ARMC9: variants seen among roughly 807,000 people sequenced by gnomAD.
The protein encoded by ARMC9 is lisH domain-containing protein ARMC9.
Under a neutral mutation model 107.0 loss-of-function variants are expected in ARMC9, and 94 were observed. The ratio of observed to expected loss-of-function variants is 0.88; its 90% CI spans 0.74 to 1.04. The LOEUF (loss-of-function observed/expected upper bound fraction) is 1.04. Ranked by LOEUF, ARMC9 falls within the 50% of genes least tolerant of loss-of-function variation. The pLI is 0.00. For missense variants in ARMC9, 942 were observed against 1,030.1 expected (o/e 0.91, Z 1.17); for synonymous variants, 380 against 396.9 (o/e 0.96, Z 0.51).
intron 23 of ARMC9, among the ~76,000 whole-genome samples, chr2:231,369,583 A>G (rs1395434208): frequency 7.1e-6 from 1 of 140,662 alleles, no homozygotes. Flanking sequence ...GTGAGCCACC[A>G]TGCTCAGCCA....
At chr2:231,222,635 G>A (rs907422458) in intron 5 of ARMC9, 93 bp from the exon 6 acceptor site, 3 of 679,618 alleles carry the variant, frequency 4.4e-6, no homozygotes, top group African/African-American at 1.9e-5. Context: ...TTCAATCACT[G>A]TGCAGGGTTT....
chr2:231,290,591 A>G (rs1032246274), intron 17 of ARMC9, among the ~76,000 whole-genome samples: 2 of 152,228 alleles, frequency 1.3e-5, no homozygotes, highest in African/African-American at 2.4e-5. Flanking sequence ...AAATCCTGCC[A>G]GGGAAGAGGA....
In ARMC9 at chr2:231,229,466, G is replaced by C. The variant is rs2035001978; in HGVS notation, c.622+2668G>C. Reference sequence around the variant, plus strand: ...TCTCAGAAGGAATTACGTTTGAAATGCTGTGTGGAATAAAAACAGGTTGAC... The same window carrying C: ...TCTCAGAAGGAATTACGTTTGAAATCCTGTGTGGAATAAAAACAGGTTGAC... On this transcript the variant is annotated intron_variant, in intron 7 of 24. Transcript: ENST00000611582. Among the ~76,000 whole-genome samples the C allele has an allele frequency of 3.9e-5, 6 of 152,318 alleles. No homozygotes were observed. The South Asian group carries it at 1.2e-3, about 32-fold the overall frequency.
At chr2:231,364,826 C>T (rs986109246) in intron 23 of ARMC9, among the ~76,000 whole-genome samples, 2 of 152,036 alleles carry the variant, frequency 1.3e-5, no homozygotes, top group African/African-American at 4.8e-5. Context: ...AAGAAAGTGG[C>T]CCTCGGCAGA....
intron 1 of ARMC9, among the ~76,000 whole-genome samples, chr2:231,204,754 C>T (rs1419285856): frequency 1.3e-5 from 2 of 151,964 alleles, no homozygotes; most frequent in African/African-American, 2.4e-5. Context: ...CTGAATGAGA[C>T]GTATCTGAAG....
At position 231,268,734 on chromosome 2, in the gene ARMC9, C is replaced by G. The variant is rs146826701; in HGVS notation, c.1120-2248C>G. Among the ~76,000 whole-genome samples the G allele has an allele frequency of 4.1e-3, 629 of 152,194 alleles. 9 individuals carry two copies. The highest frequency in any genetic ancestry group is 0.014 in the African/African-American group (564 of 41,524). ...CCTTCAGAATTTTGAAGACATTGCT[C>G]CATTGTCTTTTAGGTTCCAGTTTTG... On this transcript the variant is annotated intron_variant, in intron 12 of 24. Coordinates refer to ENST00000611582, the MANE Select transcript of ARMC9 (RefSeq NM_001352754.2).
At chr2:231,323,980 C>T (rs976558072) in intron 19 of ARMC9, among the ~76,000 whole-genome samples, 1 of 152,128 alleles carries the variant, frequency 6.6e-6, no homozygotes, top group Admixed American at 6.5e-5. Context: ...CTGCCCCAGG[C>T]CCCCTGCTCA....
chr2:231,231,548 T>C (rs1427255150), intron 7 of ARMC9, among the ~76,000 whole-genome samples: 2 of 151,976 alleles, frequency 1.3e-5, no homozygotes, highest in Non-Finnish European at 2.9e-5. Flanking sequence ...CATGCCCAGC[T>C]AATTTTTGTA....
chr2:231,254,738 T>G (rs1290019055), intron 9 of ARMC9, among the ~76,000 whole-genome samples: 1 of 152,066 alleles, frequency 6.6e-6, no homozygotes, highest in Non-Finnish European at 1.5e-5. Flanking sequence ...TTAACAAGGC[T>G]TCTGTAATTT....
intron 20 of ARMC9, among the ~76,000 whole-genome samples, chr2:231,339,068 G>A (rs1429893900): frequency 6.6e-5 from 10 of 151,568 alleles, no homozygotes; most frequent in South Asian, 6.3e-4. Context: ...GGTGGCTCAC[G>A]CCTGTAATCC....
At chr2:231,327,511 T>C (rs80325347) in intron 19 of ARMC9, among the ~76,000 whole-genome samples, 289 of 152,334 alleles carry the variant, frequency 1.9e-3, no homozygotes, top group African/African-American at 6.5e-3. Context: ...TGTACATCAG[T>C]AGTTCCTTTT....
At position 231,375,979 on chromosome 2, in the gene ARMC9, T is replaced by C. The variant is rs1161689225; in HGVS notation, c.*4444T>C. Among the ~76,000 whole-genome samples, 1 of 152,216 alleles carries C rather than the reference T, an allele frequency of 6.6e-6. No homozygotes were observed. The highest frequency in any genetic ancestry group is 2.4e-5 in the African/African-American group (1 of 41,458). On this transcript the variant is annotated 3_prime_UTR_variant, in exon 25 of 25. Coordinates refer to ENST00000611582, the MANE Select transcript of ARMC9 (RefSeq NM_001352754.2). This position sits in a 1 kb window ranked among gnomAD's most constrained non-coding sequence, Gnocchi z 4.3. ...ATTAGTTCCCCCAAATTAATACTTT[T>C]GTAATTTCTTATGCCTGTCTTTACT...
At chr2:231,298,464 T>C (rs2041519180) in intron 19 of ARMC9, among the ~76,000 whole-genome samples, 1 of 152,230 alleles carries the variant, frequency 6.6e-6, no homozygotes, top group South Asian at 2.1e-4. Context: ...AGCACTGTTG[T>C]TGGAATGTGG....
At chr2:231,226,656 G>A (rs1265886210) in intron 6 of ARMC9, 118 bp from the exon 7 acceptor site, 3 of 1,242,216 alleles carry the variant, frequency 2.4e-6, no homozygotes, top group Non-Finnish European at 3.5e-6. Flanking sequence ...GGCCCTCCCG[G>A]CTCCGAGAAT....
intron 3 of ARMC9, among the ~76,000 whole-genome samples, chr2:231,211,076 A>G (rs1472956934): frequency 6.6e-6 from 1 of 152,154 alleles, no homozygotes; most frequent in Non-Finnish European, 1.5e-5. Context: ...GCAATGTATG[A>G]CAAGATTTCC....
At chr2:231,319,989 A>C (rs934674289) in intron 19 of ARMC9, among the ~76,000 whole-genome samples, 1 of 152,188 alleles carries the variant, frequency 6.6e-6, no homozygotes, top group Non-Finnish European at 1.5e-5. Flanking sequence ...GTACTTTCAT[A>C]ATATACACTG....
rs1479860325 is a variant in ARMC9 at position 231,373,324 on chromosome 2, A to T, written c.*1789A>T. 1.3e-5 allele frequency: 2 copies of T among 152,052 alleles called. No individual in the cohort carries two copies. The highest frequency in any genetic ancestry group is 2.9e-5 in the Non-Finnish European group (2 of 68,006). 9.4% of individuals were successfully genotyped at this position (152,052 alleles called of 1,614,324 possible). Reference sequence around the variant, plus strand: ...AACAGCAAAGGAGTGGAATGGAAAAATCTCTCTTGCTCCCCACAAGAAGTC... The same window carrying T: ...AACAGCAAAGGAGTGGAATGGAAAATTCTCTCTTGCTCCCCACAAGAAGTC... On this transcript the variant is annotated 3_prime_UTR_variant, in exon 25 of 25. Transcript: ENST00000611582. This position sits in a 1 kb window ranked among gnomAD's most constrained non-coding sequence, Gnocchi z 4.4.
At chr2:231,218,092 C>A (rs1322913305) in intron 5 of ARMC9, among the ~76,000 whole-genome samples, 2 of 152,210 alleles carry the variant, frequency 1.3e-5, no homozygotes, top group Non-Finnish European at 1.5e-5. Flanking sequence ...ATTTCAGCAT[C>A]CCATTCAGTT....
chr2:231,282,450 T>C (rs1320334253), intron 17 of ARMC9, among the ~76,000 whole-genome samples: 3 of 152,242 alleles, frequency 2.0e-5, no homozygotes, highest in Non-Finnish European at 4.4e-5. Flanking sequence ...GTCTAGGACT[T>C]GGTTTGGTTG....
Sources: gnomAD v4.1 joint callset for allele counts (sites outside exome capture counted in the v4.1 genomes callset) on GRCh38, gnomAD v4.1.1 for gene constraint, Gnocchi (gnomAD v3.1) non-coding constraint, MANE v1.5 for transcripts, NCBI Gene and HGNC (gene_info 2026-07-23, HGNC 2026-07-21) for gene names.